Variants in CSKMT observed in about 807,000 individuals in gnomAD.
The protein encoded by CSKMT is citrate synthase lysine methyltransferase.
A neutral mutation model predicts 4.6 loss-of-function variants in CSKMT; 6 were observed. That is an observed-to-expected ratio of 1.31 (90% CI 0.72 to 2.59). The LOEUF is 2.59. Ranked by LOEUF, CSKMT falls within the 30% of genes most tolerant of loss-of-function variation. The probability of loss-of-function intolerance (pLI) is 0.00; values close to 1 mark genes in which losing one functional copy is unlikely to be tolerated. For synonymous variants in CSKMT, 142 were observed against 128.9 expected, an observed-to-expected ratio of 1.10 and a Z score of -0.69; for missense variants, 328 against 298.0, an observed-to-expected ratio of 1.10 and a Z score of -0.74.
Position 62,665,322 on chromosome 11 carries a change from G to A in CSKMT, c.-244G>A. ...CGCGGTGCGGGAGGCCTTTCGGAGG[G>A]TGGTGAGCTAGTAAGTGTGGTTTTA... On this transcript the variant is annotated 5_prime_UTR_variant, in exon 1 of 3. The change creates a new upstream start codon in the 5' untranslated region. Transcript: ENST00000532971. 1.4e-6 allele frequency: 1 copy of A among 732,036 alleles called. No individual in the cohort carries two copies. The highest frequency in any genetic ancestry group is 2.3e-6 in the Non-Finnish European group (1 of 436,840). 45.3% of individuals were successfully genotyped at this position (732,036 alleles called of 1,614,324 possible). A position where few individuals can be genotyped will look rare whatever the true frequency, so the allele number is the denominator to read the frequency against.
In CSKMT at chr11:62,667,591, G is replaced by A. The variant is rs1445232671; in HGVS notation, c.*540G>A. 1.9e-6 allele frequency: 3 copies of A among 1,614,082 alleles called. No individual in the cohort carries two copies. Among genetic ancestry groups the A allele is most frequent in the Admixed American group, 1.7e-5 (1 of 59,988 alleles). On this transcript the variant is annotated 3_prime_UTR_variant, in exon 3 of 3. Coordinates refer to ENST00000532971, the MANE Select transcript of CSKMT (RefSeq NM_001043229.2). ...GCCACTTCTACAAACACGGGAGCCT[G>A]TTGAGTCCCAGAAGGGACAGTGGTT...
At chr11:62,666,079 G>A in intron 2 of CSKMT, 133 bp downstream of exon 2, 1 of 1,067,172 alleles carries the variant, frequency 9.4e-7, no homozygotes, top group East Asian at 2.6e-5. Flanking sequence ...CGTGCGTGGT[G>A]GCTCACGGCT....
At chr11:62,666,085 C>A in intron 2 of CSKMT, 139 bp downstream of exon 2, 2 of 1,026,842 alleles carry the variant, frequency 1.9e-6, no homozygotes, top group Non-Finnish European at 2.8e-6. Context: ...TGGTGGCTCA[C>A]GGCTGTAATG....
Position 62,668,026 on chromosome 11 carries a change from C to T in CSKMT, c.*975C>T, listed in dbSNP as rs1944865436. On this transcript the variant is annotated 3_prime_UTR_variant, in exon 3 of 3. Coordinates refer to ENST00000532971, the MANE Select transcript of CSKMT (RefSeq NM_001043229.2). The stretch of plus-strand genomic sequence containing the variant: ...CAAAGCTGCAATGGGCCATGATAAG[C>T]TGCTGCACTTGAGCTAAAAATTAAT... The T allele has an allele frequency of 9.4e-6, 3 of 320,792 alleles. No homozygotes were observed. The highest frequency in any genetic ancestry group is 1.7e-5 in the Non-Finnish European group (3 of 173,448). The allele number at this position is 320,792 out of a possible 1,614,324, so 19.9% of individuals were successfully genotyped here.
chr11:62,667,610 A>G lies in CSKMT; in HGVS notation c.*559A>G, dbSNP rs1381752060. ...GAGCCTGTTGAGTCCCAGAAGGGACAGTGGTTGGTGGCTTCCAGACATGCT... is the reference window on the plus strand; with the variant it reads ...GAGCCTGTTGAGTCCCAGAAGGGACGGTGGTTGGTGGCTTCCAGACATGCT... On this transcript the variant is annotated 3_prime_UTR_variant, in exon 3 of 3. Transcript: ENST00000532971. 10 of 1,614,192 alleles carry G rather than the reference A, an allele frequency of 6.2e-6. No individual in the cohort carries two copies. Among genetic ancestry groups the G allele is most frequent in the Non-Finnish European group, 8.5e-6 (10 of 1,180,040 alleles).
rs1372581719 is a variant in CSKMT, at chr11:62,665,722, G to A, written c.-158G>A. 2.1e-6 allele frequency: 3 copies of A among 1,463,406 alleles called. No individual in the cohort carries two copies. The highest frequency in any genetic ancestry group is 1.4e-5 in the African/African-American group (1 of 70,868). 90.7% of individuals were successfully genotyped at this position (1,463,406 alleles called of 1,614,324 possible). On this transcript the variant is annotated 5_prime_UTR_variant, in exon 2 of 3. Transcript: ENST00000532971. ...GCCGTTCCTACCATAGTCTGTGTCC[G>A]CGTTCTTTTTTCCGGGACTGCAGAG...
Position 62,666,896 on chromosome 11 carries a change from C to T in CSKMT, c.568C>T (p.Pro190Ser), listed in dbSNP as rs773390852. ...ATCAGAATGCTTGAGGGTTCTAAAC[C>T]CTCAGGGGACCCTGATTCAGTTCTC... ...LLSECLRVLNPQGTLIQFSDE... is the reference protein window; with the variant it reads ...LLSECLRVLNSQGTLIQFSDE... Residue 190 changes from proline to serine, a missense_variant, in exon 3 of 3, where the codon CCT (proline) becomes TCT (serine). By Grantham distance (74) the Pro-to-Ser change is moderately conservative. Coordinates refer to ENST00000532971, the MANE Select transcript of CSKMT (RefSeq NM_001043229.2). 34 of 1,614,054 alleles carry T rather than the reference C, an allele frequency of 2.1e-5. No homozygotes were observed. The highest frequency in any genetic ancestry group is 2.7e-5 in the Non-Finnish European group (32 of 1,180,038).
chr11:62,666,774 G>T lies in CSKMT; in HGVS notation c.446G>T (p.Gly149Val). 1 of 1,614,190 alleles carries T rather than the reference G, an allele frequency of 6.2e-7. No individual in the cohort carries two copies. Among genetic ancestry groups the T allele is most frequent in the Non-Finnish European group, 8.5e-7 (1 of 1,180,042 alleles). Residue 149 changes from glycine (G) to valine (V), a missense_variant, in exon 3 of 3, where the codon GGG (glycine) becomes GTG (valine). Coordinates refer to ENST00000532971, the MANE Select transcript of CSKMT (RefSeq NM_001043229.2). ...ATGCACGCCGATGCTCAGAACCTGG[G>T]GGCTGTGGCTTCTTCAGGCTCTTTC... ...HFMHADAQNL[G>V]AVASSGSFQL...
At chr11:62,666,101 A>C (rs1944802195) in intron 2 of CSKMT, 155 bp downstream of exon 2, 2 of 932,974 alleles carry the variant, frequency 2.1e-6, no homozygotes, top group Non-Finnish European at 3.2e-6. Context: ...TAATGCTAAC[A>C]CTTTGCCAGG....
chr11:62,666,007 G>T, intron 2 of CSKMT, 61 bp downstream of exon 2: 1 of 1,556,210 alleles, frequency 6.4e-7, no homozygotes, highest in Non-Finnish European at 8.7e-7. Context: ...AGGGTAAGGT[G>T]GGTTCCTCGT....
chr11:62,665,668 T>G lies in CSKMT; in HGVS notation c.-212T>G. On this transcript the variant is annotated 5_prime_UTR_variant, in exon 2 of 3. Transcript: ENST00000532971. Reference sequence around the variant, plus strand: ...TCAGGTCTGCGGACGCTGTATACCCTCCTCCACTTCCCGCTGCAGCCAATA... The same window carrying G: ...TCAGGTCTGCGGACGCTGTATACCCGCCTCCACTTCCCGCTGCAGCCAATA... 1 of 1,466,616 alleles carries G rather than the reference T, an allele frequency of 6.8e-7. No individual in the cohort carries two copies. Among genetic ancestry groups the G allele is most frequent in the Non-Finnish European group, 9.0e-7 (1 of 1,110,796 alleles). The allele number at this position is 1,466,616 out of a possible 1,614,324, so 90.9% of individuals were successfully genotyped here. A position where few individuals can be genotyped will look rare whatever the true frequency, so the allele number is the denominator to read the frequency against.
Position 62,667,929 on chromosome 11 carries a change from A to G in CSKMT, c.*878A>G. On this transcript the variant is annotated 3_prime_UTR_variant, in exon 3 of 3. Coordinates refer to ENST00000532971, the MANE Select transcript of CSKMT (RefSeq NM_001043229.2). ...CTCTACAAAAACAAATGAGCCCGGG[A>G]TAGTGGCACAGGCATGTAGTTCCAA... 1.8e-6 allele frequency: 1 copy of G among 570,574 alleles called. No individual in the cohort carries two copies. Among genetic ancestry groups the G allele is most frequent in the Non-Finnish European group, 3.1e-6 (1 of 319,292 alleles). 35.3% of individuals were successfully genotyped at this position (570,574 alleles called of 1,614,324 possible).
Position 62,667,024 on chromosome 11 carries a change from T to TGTAAGCAAA in CSKMT, c.697_698insTAAGCAAAG (p.Phe232_Ala233insValSerLys). ...GCCCGTTCAGGGGCATCACCTACTT[T>TGTAAGCAAA]GCTTACTTGATTCAAGGCTCTCATT... On this transcript the variant is annotated inframe_insertion, in exon 3 of 3. Transcript: ENST00000532971. 6.2e-7 allele frequency: 1 copy of TGTAAGCAAA among 1,607,406 alleles called. No individual in the cohort carries two copies. The highest frequency in any genetic ancestry group is 8.5e-7 in the Non-Finnish European group (1 of 1,176,748).
In CSKMT at chr11:62,666,622, A is replaced by G. The variant is rs932466674; in HGVS notation, c.294A>G (p.Pro98=). ...SLCTGLYTKS[P]HPVDVLGVDF... is the part of the protein sequence containing the mutation. Reference sequence around the variant, plus strand: ...GTACAGGCCTCTACACCAAATCTCCACACCCAGTGGATGTGCTGGGGGTGG... The same window carrying G: ...GTACAGGCCTCTACACCAAATCTCCGCACCCAGTGGATGTGCTGGGGGTGG... The change falls in exon 3 of 3, where the codon CCA becomes CCG. Residue 98 remains proline, a synonymous_variant. Transcript: ENST00000532971. 1 of 1,613,998 alleles carries G rather than the reference A, an allele frequency of 6.2e-7. No homozygotes were observed. Among genetic ancestry groups the G allele is most frequent in the Admixed American group, 1.7e-5 (1 of 59,994 alleles).
At chr11:62,665,484 G>A (rs1332565141) in intron 1 of CSKMT, 152 bp downstream of exon 1, 1 of 1,576,992 alleles carries the variant, frequency 6.3e-7, no homozygotes, top group Non-Finnish European at 8.6e-7. Flanking sequence ...GGAGGAAGAG[G>A]GAAAGGGCTC....
At position 62,667,268 on chromosome 11, in the gene CSKMT, G is replaced by A. The variant is rs117313894; in HGVS notation, c.*217G>A. Reference sequence around the variant, plus strand: ...ACGGAGATTACATACAATGATGTGCGCAATATTTAGCACAAAATGAATGCT... The same window carrying A: ...ACGGAGATTACATACAATGATGTGCACAATATTTAGCACAAAATGAATGCT... On this transcript the variant is annotated 3_prime_UTR_variant, in exon 3 of 3. Transcript: ENST00000532971. 3.5e-3 allele frequency: 2,227 copies of A among 633,740 alleles called. 7 individuals are homozygous for A. Among genetic ancestry groups the A allele is most frequent in the Middle Eastern group, 0.014 (32 of 2,366 alleles). The allele number at this position is 633,740 out of a possible 1,614,324, so 39.3% of individuals were successfully genotyped here. A position where few individuals can be genotyped will look rare whatever the true frequency, so the allele number is the denominator to read the frequency against.
intron 2 of CSKMT, 88 bp downstream of exon 2, chr11:62,666,034 C>T: frequency 1.4e-6 from 2 of 1,405,984 alleles, no homozygotes; most frequent in East Asian, 2.3e-5. Flanking sequence ...GGAGTGTAGT[C>T]CCTGAAATTG....
rs779186504 is a variant in CSKMT at position 62,665,841 on chromosome 11, C to T, written c.-39C>T. The T allele has an allele frequency of 6.2e-7, 1 of 1,606,716 alleles. No homozygotes were observed. The highest frequency in any genetic ancestry group is 8.5e-7 in the Non-Finnish European group (1 of 1,174,748). On this transcript the variant is annotated 5_prime_UTR_variant, in exon 2 of 3. Transcript: ENST00000532971. ...TCCGGCTGGAGTAGGGTGGACGCTT[C>T]ACATAAGCTTCTCTGGTCGAACTTA...
At chr11:62,666,309 CAAA>C (rs745593794) in intron 2 of CSKMT, 84 bp from the exon 3 acceptor site, 75 of 1,212,750 alleles carry the variant, frequency 6.2e-5, no homozygotes, top group African/African-American at 2.3e-4. Flanking sequence ...GACCCTGTCT[CAAA>C]AAAAAAAAAG....
Sources: allele counts gnomAD v4.1 joint callset, GRCh38; gene constraint gnomAD v4.1.1; transcripts MANE v1.5; gene names NCBI Gene and HGNC (gene_info 2026-07-23, HGNC 2026-07-21).